ROCK1: variants seen among roughly 807,000 people sequenced by gnomAD.
ROCK1 encodes the protein Rho associated coiled-coil containing protein kinase 1, also known as rho-associated protein kinase 1.
In ROCK1, 36 loss-of-function variants were observed where a neutral mutation model predicts 196.8. The ratio of observed to expected loss-of-function variants is 0.18; its 90% confidence interval spans 0.14 to 0.24. ROCK1 has a LOEUF of 0.24. Ranked by LOEUF, ROCK1 falls within the 10% of genes least tolerant of loss-of-function variation. The probability of loss-of-function intolerance (pLI) is 1.00; values close to 1 mark genes in which losing one functional copy is unlikely to be tolerated. For missense variants in ROCK1, 920 were observed against 1,562.0 expected (o/e 0.59, Z 6.93); for synonymous variants, 443 against 515.9 (o/e 0.86, Z 1.91).
Position 20,980,581 on chromosome 18 carries a change from T to C in ROCK1, c.2560-577A>G, listed in dbSNP as rs1427024034. ...ACACAGATGTACATATTTGTCAAAATTTACTAACCAGTACACTTAAAATGG... is the reference window on the plus strand; with the variant it reads ...ACACAGATGTACATATTTGTCAAAACTTACTAACCAGTACACTTAAAATGG... On this transcript the variant is annotated intron_variant, in intron 21 of 32. Transcript: ENST00000399799. Among the ~76,000 whole-genome samples the C allele has an allele frequency of 3.3e-5, 5 of 152,290 alleles. No individual in the cohort carries two copies. The South Asian group carries it at 1.0e-3, about 32-fold the overall frequency.
intron 1 of ROCK1, among the ~76,000 whole-genome samples, chr18:21,093,785 T>G (rs1360941167): frequency 6.6e-6 from 1 of 152,006 alleles, no homozygotes; most frequent in East Asian, 1.9e-4. Flanking sequence ...TGAAACCCCA[T>G]CTCTACTAAA....
At chr18:21,096,291 C>G (rs938007655) in intron 1 of ROCK1, among the ~76,000 whole-genome samples, 3 of 152,202 alleles carry the variant, frequency 2.0e-5, no homozygotes, top group East Asian at 1.9e-4. Flanking sequence ...CCTCTGCCCC[C>G]CCGGGTTCAA....
chr18:21,028,307 T>C (rs892750176), intron 10 of ROCK1, among the ~76,000 whole-genome samples: 1 of 151,504 alleles, frequency 6.6e-6, no homozygotes, highest in Non-Finnish European at 1.5e-5. Context: ...TCCCAGCTAC[T>C]CGGGAGGCTG....
At chr18:21,062,756 T>C (rs1266203816) in intron 2 of ROCK1, among the ~76,000 whole-genome samples, 1 of 152,184 alleles carries the variant, frequency 6.6e-6, no homozygotes, top group African/African-American at 2.4e-5. Flanking sequence ...CCTAGATTTA[T>C]GATGGAGTTA....
chr18:21,110,455 G>C (rs549293961), intron 1 of ROCK1, among the ~76,000 whole-genome samples: 2 of 152,270 alleles, frequency 1.3e-5, no homozygotes, highest in South Asian at 4.1e-4. Flanking sequence ...ACTGTCAAAC[G>C]GATCAGAAAG....
intron 19 of ROCK1, among the ~76,000 whole-genome samples, chr18:20,985,722 C>G (rs1040051597): frequency 2.6e-5 from 4 of 152,094 alleles, no homozygotes; most frequent in African/African-American, 9.7e-5. Context: ...TATTATCTTT[C>G]AAATTTTGAA....
chr18:20,993,884 A>G (rs288981), intron 16 of ROCK1, among the ~76,000 whole-genome samples: 6,784 of 152,248 alleles, frequency 0.045, 498 homozygotes, highest in African/African-American at 0.15. Context: ...CATATTTTGT[A>G]ATTCAAAGTG....
intron 1 of ROCK1, among the ~76,000 whole-genome samples, chr18:21,089,999 T>TTG (rs2036556743): frequency 1.3e-5 from 2 of 152,208 alleles, no homozygotes; most frequent in African/African-American, 2.4e-5. Flanking sequence ...TTCTTAAAGA[T>TTG]TAGTGGCATT....
chr18:21,000,541 G>A (rs372107543), intron 16 of ROCK1, among the ~76,000 whole-genome samples: 1 of 152,196 alleles, frequency 6.6e-6, no homozygotes, highest in Non-Finnish European at 1.5e-5. Flanking sequence ...GGGATTACAG[G>A]TGTGAGCTAC....
At chr18:21,110,679 G>C in intron 1 of ROCK1, 139 bp downstream of exon 1, 2 of 728,494 alleles carry the variant, frequency 2.7e-6, no homozygotes, top group Non-Finnish European at 2.4e-6. Context: ...GGTACTCCAA[G>C]ATTCTTCAGG....
At chr18:20,982,859 A>G in intron 20 of ROCK1, 27 bp from the exon 21 acceptor site, 1 of 1,098,452 alleles carries the variant, frequency 9.1e-7, no homozygotes, top group Non-Finnish European at 1.4e-6. Context: ...AAACAAGTGA[A>G]CAAACGCTCC....
chr18:21,032,614 G>A (rs752327861), intron 9 of ROCK1, among the ~76,000 whole-genome samples: 26 of 149,262 alleles, frequency 1.7e-4, no homozygotes, highest in African/African-American at 2.2e-4. Flanking sequence ...TGTGCCTCCC[G>A]GGTTCAAGTG....
Position 21,041,755 on chromosome 18 carries a change from A to T in ROCK1, c.959+342T>A, listed in dbSNP as rs142405017. The stretch of plus-strand genomic sequence containing the variant: ...CCCAACTCATACCATTGACTGTGAG[A>T]TGTACTCTAATTTCAGAGATGTTAT... On this transcript the variant is annotated intron_variant, in intron 8 of 32. Transcript: ENST00000399799. Among the ~76,000 whole-genome samples the T allele has an allele frequency of 6.5e-4, 99 of 152,244 alleles. No individual in the cohort carries two copies. The Middle Eastern group carries it at 0.014, about 21-fold the overall frequency.
rs1280773156 is a variant in ROCK1 at position 21,044,319 on chromosome 18, T to C, written c.591-133A>G. On this transcript the variant is annotated intron_variant, in intron 5 of 32. Coordinates refer to ENST00000399799, the MANE Select transcript of ROCK1 (RefSeq NM_005406.3). The stretch of plus-strand genomic sequence containing the variant: ...ATCTTTGATCTGTATGTGTTCTCTA[T>C]CCACATCTATAAATTAAATTTCATC... 2.1e-5 allele frequency: 10 copies of C among 473,506 alleles called. No individual in the cohort carries two copies. The East Asian group carries it at 3.2e-4, about 15-fold the overall frequency. 29.3% of individuals were successfully genotyped at this position (473,506 alleles called of 1,614,324 possible). A position where few individuals can be genotyped will look rare whatever the true frequency, so the allele number is the denominator to read the frequency against.
chr18:20,984,311 CAAAA>C (rs754745605), intron 20 of ROCK1, 36 bp downstream of exon 20: 7 of 1,477,376 alleles, frequency 4.7e-6, no homozygotes, highest in Non-Finnish European at 6.5e-6. Context: ...ATGATGAACA[CAAAA>C]AAGAAAGAAA....
chr18:21,025,289 G>T (rs1000570828), intron 10 of ROCK1, among the ~76,000 whole-genome samples: 7 of 152,122 alleles, frequency 4.6e-5, no homozygotes, highest in Admixed American at 4.6e-4. Context: ...GTTTAATTCA[G>T]CTATAATTAA....
At chr18:21,091,448 C>T (rs2036569423) in intron 1 of ROCK1, among the ~76,000 whole-genome samples, 1 of 151,750 alleles carries the variant, frequency 6.6e-6, no homozygotes, top group South Asian at 2.1e-4. Context: ...ACTAAAAATA[C>T]AAAAATGAGC....
chr18:20,972,930 A>T (rs755177293), intron 22 of ROCK1, among the ~76,000 whole-genome samples: 3 of 152,210 alleles, frequency 2.0e-5, no homozygotes, highest in Non-Finnish European at 4.4e-5. Context: ...CCCAGGCTGG[A>T]GCGCAATGGT....
intron 2 of ROCK1, among the ~76,000 whole-genome samples, chr18:21,060,061 T>C (rs570231028): frequency 5.1e-4 from 77 of 152,336 alleles, no homozygotes; most frequent in African/African-American, 1.5e-3. Context: ...TGACTGTTAA[T>C]GGGTATGAGG....
Sources: gnomAD v4.1 joint callset for allele counts (sites outside exome capture counted in the v4.1 genomes callset) on GRCh38, gnomAD v4.1.1 for gene constraint, MANE v1.5 for transcripts, NCBI Gene and HGNC (gene_info 2026-07-23, HGNC 2026-07-21) for gene names.